DPYS: variants seen among roughly 807,000 people sequenced by gnomAD.
DPYS encodes the protein dihydropyrimidine amidohydrolase.
In DPYS, 39 loss-of-function variants were observed where a neutral mutation model predicts 50.3. The observed-to-expected ratio is 0.78, with a 90% CI of 0.60 to 1.01. The LOEUF (loss-of-function observed/expected upper bound fraction) is 1.01. DPYS is among the 50% of genes least tolerant of loss of function. The pLI is 0.00. For synonymous variants in DPYS, 245 were observed against 250.7 expected, an observed-to-expected ratio of 0.98 and a Z score of 0.22; for missense variants, 659 against 680.9, an observed-to-expected ratio of 0.97 and a Z score of 0.36.
intron 8 of DPYS, among the ~76,000 whole-genome samples, chr8:104,384,156 C>A: frequency 6.6e-6 from 1 of 152,226 alleles, no homozygotes; most frequent in Non-Finnish European, 1.5e-5. Flanking sequence ...CAGAAACAAG[C>A]AGCCTCCTGT....
intron 6 of DPYS, among the ~76,000 whole-genome samples, chr8:104,427,281 T>G: frequency 6.7e-6 from 1 of 148,534 alleles, no homozygotes; most frequent in Admixed American, 6.7e-5. Context: ...ACGCTTCGTG[T>G]ATTTTTTTTT....
chr8:104,421,782 T>G (rs1440239978), intron 7 of DPYS, among the ~76,000 whole-genome samples: 1 of 150,338 alleles, frequency 6.7e-6, no homozygotes, highest in Non-Finnish European at 1.5e-5. Context: ...GTAATATATA[T>G]AGATCTTTTA....
At chr8:104,429,489 T>C (rs1028605011) in intron 5 of DPYS, 56 bp downstream of exon 5, 27 of 1,610,406 alleles carry the variant, frequency 1.7e-5, no homozygotes, top group Non-Finnish European at 2.3e-5. Flanking sequence ...ACGAGCTCCC[T>C]TCTACCCAAA....
intron 7 of DPYS, chr8:104,419,957 C>A (rs1812490383): frequency 6.6e-6 from 1 of 152,156 alleles, no homozygotes; most frequent in Non-Finnish European, 1.5e-5. Flanking sequence ...TAGTGGCAAC[C>A]AGCTGTGGGG....
chr8:104,458,459 C>A (rs527575741), intron 1 of DPYS, among the ~76,000 whole-genome samples: 87 of 152,284 alleles, frequency 5.7e-4, no homozygotes, highest in African/African-American at 2.1e-3. Flanking sequence ...TGTGCTGAGT[C>A]CAAGCAATTC....
At chr8:104,442,677 C>T (rs773829247) in intron 4 of DPYS, among the ~76,000 whole-genome samples, 4 of 152,192 alleles carry the variant, frequency 2.6e-5, no homozygotes, top group African/African-American at 4.8e-5. Context: ...TGATGGATTA[C>T]ATTTTAAAAG....
chr8:104,425,534 A>T (rs972071269), intron 6 of DPYS, among the ~76,000 whole-genome samples: 1 of 151,936 alleles, frequency 6.6e-6, no homozygotes, highest in African/African-American at 2.4e-5. Context: ...TGGAACTGTA[A>T]TCCTAACACT....
At chr8:104,434,365 C>A (rs1431203604) in intron 4 of DPYS, among the ~76,000 whole-genome samples, 1 of 152,100 alleles carries the variant, frequency 6.6e-6, no homozygotes, top group African/African-American at 2.4e-5. Flanking sequence ...GTCAGCCTTT[C>A]CTGAATTCCA....
intron 4 of DPYS, among the ~76,000 whole-genome samples, chr8:104,435,595 T>G (rs1018739248): frequency 3.9e-5 from 6 of 152,022 alleles, no homozygotes; most frequent in Admixed American, 2.0e-4. Flanking sequence ...TGGGCATTCT[T>G]TGCAAACTGT....
chr8:104,397,767 G>A (rs556832495), intron 7 of DPYS, among the ~76,000 whole-genome samples: 1 of 152,234 alleles, frequency 6.6e-6, no homozygotes, highest in African/African-American at 2.4e-5. Context: ...ACTTGCCCAA[G>A]GTTCACATAG....
chr8:104,467,011 G>C lies in DPYS; in HGVS notation c.-91C>G. 7.5e-7 allele frequency: 1 copy of C among 1,330,786 alleles called. No homozygotes were observed. The highest frequency in any genetic ancestry group is 9.6e-7 in the Non-Finnish European group (1 of 1,039,360). 82.4% of individuals were successfully genotyped at this position (1,330,786 alleles called of 1,614,324 possible). ...GCGGGCTTGGGGTGCCCTCCTGCAA[G>C]GTCCCCACCGACAGCCCCCGAGCTC... On this transcript the variant is annotated 5_prime_UTR_variant, in exon 1 of 10. Transcript: ENST00000351513.
intron 3 of DPYS, 85 bp from the exon 4 acceptor site, chr8:104,444,522 T>C (rs1813464341): frequency 6.7e-7 from 1 of 1,483,296 alleles, no homozygotes; most frequent in Non-Finnish European, 9.2e-7. Context: ...TTAAATGCAA[T>C]GCCAGGCTTT....
At chr8:104,465,605 C>T (rs1021930205) in intron 1 of DPYS, among the ~76,000 whole-genome samples, 1 of 152,096 alleles carries the variant, frequency 6.6e-6, no homozygotes, top group Non-Finnish European at 1.5e-5. Context: ...GGAAATGTTG[C>T]AGGGGTGTCC....
At chr8:104,445,901 C>T (rs1236701585) in intron 3 of DPYS, among the ~76,000 whole-genome samples, 4 of 151,936 alleles carry the variant, frequency 2.6e-5, no homozygotes, top group African/African-American at 4.8e-5. Context: ...AACAATTAGC[C>T]GGGCGTGGTG....
At chr8:104,430,330 T>C (rs1310571187) in intron 4 of DPYS, among the ~76,000 whole-genome samples, 1 of 151,420 alleles carries the variant, frequency 6.6e-6, no homozygotes, top group Non-Finnish European at 1.5e-5. Context: ...TAGCCAGAAA[T>C]GCGTATTTTA....
intron 5 of DPYS, 46 bp downstream of exon 5, chr8:104,429,499 A>T (rs1156591856): frequency 1.9e-6 from 3 of 1,613,128 alleles, no homozygotes; most frequent in Non-Finnish European, 2.5e-6. Flanking sequence ...TTCTACCCAA[A>T]CCTTCTTTTG....
chr8:104,435,776 A>G (rs1813120046), intron 4 of DPYS, among the ~76,000 whole-genome samples: 1 of 152,166 alleles, frequency 6.6e-6, no homozygotes, highest in Non-Finnish European at 1.5e-5. Context: ...CCAGTTCACA[A>G]AAAAATCCTG....
intron 8 of DPYS, among the ~76,000 whole-genome samples, chr8:104,382,500 T>C (rs77938845): frequency 0.011 from 1,663 of 150,514 alleles, 15 homozygotes; most frequent in Non-Finnish European, 0.017. Context: ...AATACCCCAC[T>C]CTCTGGCCAC....
At chr8:104,460,448 G>A (rs1027389328) in intron 1 of DPYS, among the ~76,000 whole-genome samples, 2 of 152,106 alleles carry the variant, frequency 1.3e-5, no homozygotes, top group Non-Finnish European at 2.9e-5. Context: ...TAAGTTTCCC[G>A]AGGCCTCCCC....
Sources: gnomAD v4.1 joint callset for allele counts (sites outside exome capture counted in the v4.1 genomes callset) on GRCh38, gnomAD v4.1.1 for gene constraint, MANE v1.5 for transcripts, NCBI Gene and HGNC (gene_info 2026-07-23, HGNC 2026-07-21) for gene names.